The following CAPN13 variants were observed in gnomAD, a reference collection of about 807,000 sequenced individuals.
CAPN13 encodes the protein calpain-13.
In CAPN13, 90 loss-of-function variants were observed where a neutral mutation model predicts 98.4. The ratio of observed to expected loss-of-function variants is 0.92; its 90% CI spans 0.77 to 1.09. The LOEUF is 1.09. Among genes scored for constraint, CAPN13 ranks in the 50% least tolerant of loss-of-function variants. The probability of loss-of-function intolerance (pLI) is 0.00; values close to 1 mark genes in which losing one functional copy is unlikely to be tolerated. For synonymous variants in CAPN13, 330 were observed against 305.5 expected (o/e 1.08, Z -0.84); for missense variants, 887 against 841.3 (o/e 1.05, Z -0.67).
Position 30,775,963 on chromosome 2 carries a change from A to G in CAPN13, c.354T>C (p.Phe118=). The change falls in exon 4 of 23, where the codon TTT becomes TTC. Residue 118 remains phenylalanine, a synonymous_variant. Transcript: ENST00000295055. ...GGAAAATGCCAGCATACTGGTGTGA[A>G]AAGCTTTGGACCATCAGGATCTTCT... is the stretch of plus-strand genomic sequence containing the variant. ...YRQKILMVQS[F]SHQYAGIFRF... is the part of the protein sequence containing the mutation. 1 of 1,611,238 alleles carries G rather than the reference A, an allele frequency of 6.2e-7. No homozygotes were observed.
Position 30,776,136 on chromosome 2 carries a change from A to G in CAPN13, c.272-91T>C, listed in dbSNP as rs1385520975. On this transcript the variant is annotated intron_variant, in intron 3 of 22. Transcript: ENST00000295055. Reference sequence around the variant, plus strand: ...AAAGGTCCTTACCACCAGAGGCTACACAATTCCTTCTAAATAATGCATTTT... The same window carrying G: ...AAAGGTCCTTACCACCAGAGGCTACGCAATTCCTTCTAAATAATGCATTTT... 4 of 752,218 alleles carry G rather than the reference A, an allele frequency of 5.3e-6. No homozygotes were observed. In the Admixed American group the frequency reaches 1.1e-4, roughly 21 times the overall value. 46.6% of individuals were successfully genotyped at this position (752,218 alleles called of 1,614,324 possible). A position where few individuals can be genotyped will look rare whatever the true frequency, so the allele number is the denominator to read the frequency against.
In CAPN13 at chr2:30,722,891, C is replaced by T. The variant is rs956703556; in HGVS notation, c.*376G>A. 1.3e-5 allele frequency: 2 copies of T among 152,238 alleles called. No homozygotes were observed. The highest frequency in any genetic ancestry group is 6.5e-5 in the Admixed American group (1 of 15,286). The allele number at this position is 152,238 out of a possible 1,614,324, so 9.4% of individuals were successfully genotyped here. The stretch of plus-strand genomic sequence containing the variant: ...CAGCTCTTGTGTCACCCATAGCACC[C>T]GAGGGTGGTCAAAGTGGCTCATTCT... On this transcript the variant is annotated 3_prime_UTR_variant, in exon 23 of 23. Coordinates refer to ENST00000295055, the MANE Select transcript of CAPN13 (RefSeq NM_144575.3).
chr2:30,751,401 T>C lies in CAPN13; in HGVS notation c.1088-150A>G, dbSNP rs576583760. 1.8e-4 allele frequency: 145 copies of C among 792,012 alleles called. 1 individual carries two copies. In the African/African-American group the frequency reaches 2.2e-3, roughly 12 times the overall value. The allele number at this position is 792,012 out of a possible 1,614,324, so 49.1% of individuals were successfully genotyped here. A position where few individuals can be genotyped will look rare whatever the true frequency, so the allele number is the denominator to read the frequency against. Reference sequence around the variant, plus strand: ...GGATCCCAATCCCCACAGTTACTACTTGAGAAACAAGTTAATTTTCTAAAC... The same window carrying C: ...GGATCCCAATCCCCACAGTTACTACCTGAGAAACAAGTTAATTTTCTAAAC... On this transcript the variant is annotated intron_variant, in intron 10 of 22. Transcript: ENST00000295055.
intron 5 of CAPN13, among the ~76,000 whole-genome samples, chr2:30,766,703 A>C (rs1458973389): frequency 6.6e-6 from 1 of 152,194 alleles, no homozygotes; most frequent in African/African-American, 2.4e-5. Context: ...ATGAAAGAGG[A>C]AAGAATTCAG....
intron 2 of CAPN13, among the ~76,000 whole-genome samples, chr2:30,786,113 C>G (rs1674264102): frequency 1.3e-5 from 2 of 152,170 alleles, no homozygotes; most frequent in Non-Finnish European, 2.9e-5. Context: ...ACAGACCAGA[C>G]AAATACTTTA....
rs1420638628 is a variant in CAPN13 at position 30,751,186 on chromosome 2, C to T, written c.1153G>A (p.Val385Ile). 6.2e-7 allele frequency: 1 copy of T among 1,613,986 alleles called. No individual in the cohort carries two copies. Among genetic ancestry groups the T allele is most frequent in the East Asian group, 2.2e-5 (1 of 44,880 alleles). ...GTGACAGCAACTGTGACGCACACGA[C>T]AACATTGGTGCCTTCCATTGGCTCT... ...VQEPMEGTNV[V>I]VCVTVAVTPS... The change falls in exon 11 of 23, where the codon GTC becomes ATC. Residue 385 changes from valine (V) to isoleucine (I), a missense_variant. Val to Ile is a conservative substitution (Grantham distance 29, BLOSUM62 3). Transcript: ENST00000295055.
chr2:30,802,608 C>G (rs1048577702), intron 1 of CAPN13, among the ~76,000 whole-genome samples: 12 of 151,834 alleles, frequency 7.9e-5, no homozygotes, highest in African/African-American at 2.7e-4. Flanking sequence ...CTTTCCCTCT[C>G]CAGCCCTAAG....
At chr2:30,729,925 C>T (rs888615992) in intron 22 of CAPN13, 4 of 152,210 alleles carry the variant, frequency 2.6e-5, no homozygotes, top group Admixed American at 6.5e-5. Context: ...AGAAGACAGG[C>T]TTTGGGCAAA....
chr2:30,748,920 A>G (rs1490436570), intron 11 of CAPN13, among the ~76,000 whole-genome samples: 2 of 152,186 alleles, frequency 1.3e-5, no homozygotes, highest in Admixed American at 6.5e-5. Context: ...TCCTTCTGCT[A>G]GAGCCAGAAT....
At chr2:30,804,463 A>C (rs1675485888) in intron 1 of CAPN13, among the ~76,000 whole-genome samples, 1 of 152,210 alleles carries the variant, frequency 6.6e-6, no homozygotes, top group Non-Finnish European at 1.5e-5. Context: ...TCGGCCTCCC[A>C]AAGTGCTGGG....
chr2:30,755,172 G>A (rs182728826), intron 8 of CAPN13, among the ~76,000 whole-genome samples: 51 of 149,716 alleles, frequency 3.4e-4, no homozygotes, highest in African/African-American at 6.7e-4. Context: ...TGCACCTGGC[G>A]CCCTCTTCCT....
At chr2:30,740,312 C>T (rs530771914) in intron 15 of CAPN13, among the ~76,000 whole-genome samples, 9 of 152,192 alleles carry the variant, frequency 5.9e-5, no homozygotes, top group African/African-American at 1.7e-4. Context: ...CCAGGCTGGT[C>T]TCGAATTCCT....
At chr2:30,758,445 A>G (rs1248913141) in intron 7 of CAPN13, among the ~76,000 whole-genome samples, 1 of 152,192 alleles carries the variant, frequency 6.6e-6, no homozygotes, top group Non-Finnish European at 1.5e-5. Context: ...TAGCAGATAA[A>G]CAGCAGGGGA....
chr2:30,723,654 G>T (rs1218739963), intron 22 of CAPN13, among the ~76,000 whole-genome samples: 1 of 152,174 alleles, frequency 6.6e-6, no homozygotes, highest in African/African-American at 2.4e-5. Context: ...CCAAGCTCCA[G>T]ATGGCTAGCT....
At chr2:30,782,353 G>A (rs1025729112) in intron 2 of CAPN13, among the ~76,000 whole-genome samples, 3 of 152,176 alleles carry the variant, frequency 2.0e-5, no homozygotes, top group Non-Finnish European at 4.4e-5. Flanking sequence ...AGGTGTCAGC[G>A]TCACTCCCTT....
At chr2:30,790,651 T>C (rs931470585) in intron 1 of CAPN13, among the ~76,000 whole-genome samples, 8 of 152,164 alleles carry the variant, frequency 5.3e-5, no homozygotes, top group Non-Finnish European at 1.2e-4. Flanking sequence ...CATAGCAAAA[T>C]ACCACCAACC....
At chr2:30,736,945 T>C (rs188104889) in intron 17 of CAPN13, among the ~76,000 whole-genome samples, 8 of 152,098 alleles carry the variant, frequency 5.3e-5, no homozygotes, top group Non-Finnish European at 1.2e-4. Context: ...GGCGAGCACA[T>C]AGAGTCCTGC....
intron 9 of CAPN13, 73 bp from the exon 10 acceptor site, chr2:30,753,271 C>G: frequency 5.4e-6 from 8 of 1,488,754 alleles, no homozygotes; most frequent in Non-Finnish European, 7.4e-6. Context: ...TATGACTTCA[C>G]AGCATAGCCA....
intron 20 of CAPN13, among the ~76,000 whole-genome samples, 181 bp from the exon 21 acceptor site, chr2:30,731,580 G>C (rs961870370): frequency 6.6e-6 from 1 of 152,140 alleles, no homozygotes; most frequent in Non-Finnish European, 1.5e-5. Flanking sequence ...TGCACGGGGC[G>C]AGTGGCTCAG....
Sources: allele counts gnomAD v4.1 joint callset (sites outside exome capture counted in the v4.1 genomes callset), GRCh38; gene constraint gnomAD v4.1.1; transcripts MANE v1.5; gene names NCBI Gene and HGNC (gene_info 2026-07-23, HGNC 2026-07-21).